Variants in ZNF385D observed in about 807,000 individuals in gnomAD.
ZNF385D encodes zinc finger protein 385D.
A neutral mutation model predicts 35.8 loss-of-function variants in ZNF385D; 15 were observed. That is an observed-to-expected ratio of 0.42 (90% CI 0.28 to 0.64). ZNF385D has a LOEUF of 0.64. Ranked by LOEUF, ZNF385D falls within the 30% of genes least tolerant of loss-of-function variation. ZNF385D has a pLI of 0.23. For missense variants in ZNF385D, 474 were observed against 494.6 expected (o/e 0.96, Z 0.39); for synonymous variants, 212 against 186.8 (o/e 1.13, Z -1.10).
chr3:21,655,511 T>A (rs2125232894), intron 2 of ZNF385D, among the ~76,000 whole-genome samples: 1 of 152,150 alleles, frequency 6.6e-6, no homozygotes, highest in Non-Finnish European at 1.5e-5. Context: ...AAAATACGTG[T>A]GCTGGTGACA....
intron 3 of ZNF385D, among the ~76,000 whole-genome samples, chr3:22,156,844 AG>A: frequency 6.6e-6 from 1 of 152,260 alleles, no homozygotes; most frequent in East Asian, 1.9e-4. Context: ...GGGATTTTAA[AG>A]ACCAAAAGTC....
chr3:22,046,809 T>C (rs185661454), intron 3 of ZNF385D, among the ~76,000 whole-genome samples: 334 of 152,272 alleles, frequency 2.2e-3, no homozygotes, highest in Non-Finnish European at 3.2e-3. Flanking sequence ...AGTCGAATTG[T>C]ATTTGGAGAA....
intron 3 of ZNF385D, among the ~76,000 whole-genome samples, chr3:21,956,740 A>G (rs1702311914): frequency 6.6e-6 from 1 of 151,786 alleles, no homozygotes; most frequent in South Asian, 2.1e-4. Context: ...TAATCATGTA[A>G]TAAGCCTGGT....
chr3:21,432,622 GAA>G (rs1309703213), intron 5 of ZNF385D, among the ~76,000 whole-genome samples: 2 of 151,386 alleles, frequency 1.3e-5, no homozygotes, highest in Non-Finnish European at 2.9e-5. Context: ...TTTTTTTAAA[GAA>G]AAAGAAAAAC....
chr3:21,699,870 C>T (rs1337460438), intron 1 of ZNF385D, among the ~76,000 whole-genome samples: 3 of 119,908 alleles, frequency 2.5e-5, no homozygotes, highest in South Asian at 2.6e-4. Flanking sequence ...CTTGCTCTGT[C>T]GCCCAGGTTG....
At chr3:21,764,253 A>G (rs62236235) in intron 3 of ZNF385D, among the ~76,000 whole-genome samples, 26,830 of 152,188 alleles carry the variant, frequency 0.18, 2,878 homozygotes, top group Non-Finnish European at 0.23. Context: ...AAGATGCTCA[A>G]TAAGGAAAGG....
At chr3:22,026,231 A>C (rs114459827) in intron 3 of ZNF385D, among the ~76,000 whole-genome samples, 2 of 152,316 alleles carry the variant, frequency 1.3e-5, no homozygotes, top group Non-Finnish European at 2.9e-5. Flanking sequence ...ACAGAGAATC[A>C]TGGCCCCTCA....
rs1318427122 is a variant in ZNF385D, at chr3:21,414,676, C to T, written c.*6538G>A. On this transcript the variant is annotated 3_prime_UTR_variant, in exon 8 of 8. Coordinates refer to ENST00000281523, the MANE Select transcript of ZNF385D (RefSeq NM_024697.3). ...ATGTCAAGTGAATTGGCCCAGTTTCCTCGTAGATGATTGGTAGTGAAGCCA... is the reference window on the plus strand; with the variant it reads ...ATGTCAAGTGAATTGGCCCAGTTTCTTCGTAGATGATTGGTAGTGAAGCCA... 6.6e-6 allele frequency: 1 copy of T among 152,008 alleles called. No homozygotes were observed. Among genetic ancestry groups the T allele is most frequent in the Non-Finnish European group, 1.5e-5 (1 of 67,986 alleles). 9.4% of individuals were successfully genotyped at this position (152,008 alleles called of 1,614,324 possible).
chr3:21,421,480 A>G (rs746135459), intron 7 of ZNF385D, 33 bp from the exon 8 acceptor site: 41 of 1,550,670 alleles, frequency 2.6e-5, no homozygotes, highest in Non-Finnish European at 3.6e-5. Context: ...TAAAAAAAAC[A>G]ACAGTTTTGG....
chr3:22,028,815 T>C (rs1438290945), intron 3 of ZNF385D, among the ~76,000 whole-genome samples: 4 of 152,204 alleles, frequency 2.6e-5, no homozygotes, highest in African/African-American at 9.7e-5. Context: ...GCTGGATTTA[T>C]AAAACATTGG....
intron 2 of ZNF385D, among the ~76,000 whole-genome samples, chr3:22,327,133 G>C (rs1258583415): frequency 3.3e-5 from 5 of 152,076 alleles, no homozygotes; most frequent in Admixed American, 3.3e-4. Context: ...TTGTCGGAAA[G>C]TTTTGTTCTT....
intron 3 of ZNF385D, among the ~76,000 whole-genome samples, chr3:21,799,316 T>G (rs545369239): frequency 6.6e-6 from 1 of 152,182 alleles, no homozygotes; most frequent in East Asian, 1.9e-4. Context: ...AAGAGTGGAA[T>G]TGCCAAGTCA....
chr3:22,174,268 C>T (rs767924222), intron 2 of ZNF385D, among the ~76,000 whole-genome samples: 11 of 152,140 alleles, frequency 7.2e-5, no homozygotes, highest in Non-Finnish European at 1.3e-4. Context: ...CAGGTTACAT[C>T]GTTTTGTCTA....
At chr3:21,815,671 A>T (rs1408559521) in intron 3 of ZNF385D, among the ~76,000 whole-genome samples, 6 of 152,310 alleles carry the variant, frequency 3.9e-5, no homozygotes, top group African/African-American at 1.4e-4. Context: ...CAGGCTCTGA[A>T]ATTGAGATAA....
At chr3:21,982,604 G>C (rs1694538437) in intron 3 of ZNF385D, among the ~76,000 whole-genome samples, 2 of 152,114 alleles carry the variant, frequency 1.3e-5, no homozygotes, top group Non-Finnish European at 1.5e-5. Context: ...GCTCTGGTTA[G>C]GACATCCAAT....
At chr3:22,095,197 G>T (rs894409165) in intron 3 of ZNF385D, among the ~76,000 whole-genome samples, 38 of 148,646 alleles carry the variant, frequency 2.6e-4, no homozygotes, top group African/African-American at 9.2e-4. Context: ...AAAGCACTGT[G>T]ATTACAGGTG....
chr3:22,205,131 A>C (rs1390637937), intron 2 of ZNF385D, among the ~76,000 whole-genome samples: 3 of 152,048 alleles, frequency 2.0e-5, no homozygotes, highest in African/African-American at 7.2e-5. Flanking sequence ...AAAATGAAAT[A>C]AATGGCATCC....
chr3:21,637,934 T>G (rs1307231937), intron 2 of ZNF385D, among the ~76,000 whole-genome samples: 1 of 152,096 alleles, frequency 6.6e-6, no homozygotes, highest in African/African-American at 2.4e-5. Context: ...AATCTAAAAT[T>G]TAGTCTTAAT....
chr3:22,303,862 C>G (rs1293541562), intron 2 of ZNF385D, among the ~76,000 whole-genome samples: 1 of 152,100 alleles, frequency 6.6e-6, no homozygotes, highest in Non-Finnish European at 1.5e-5. Context: ...ACTGCAAACT[C>G]CATCTCCGAG....
Sources: allele counts gnomAD v4.1 joint callset (sites outside exome capture counted in the v4.1 genomes callset), GRCh38; gene constraint gnomAD v4.1.1; transcripts MANE v1.5; gene names NCBI Gene and HGNC (gene_info 2026-07-23, HGNC 2026-07-21).